FANCA: variants seen among roughly 807,000 people sequenced by gnomAD.
FANCA encodes the protein Fanconi anemia group A protein.
Under a neutral mutation model 194.3 loss-of-function variants are expected in FANCA, and 236 were observed. That is an observed-to-expected ratio of 1.21 (90% CI 1.09 to 1.35). The LOEUF (loss-of-function observed/expected upper bound fraction) is 1.35. FANCA is among the 40% of genes most tolerant of loss of function. The pLI, the probability that FANCA is intolerant of heterozygous loss-of-function variation, is 0.00. For missense variants in FANCA, 2,628 were observed against 1,813.9 expected (o/e 1.45, Z -8.15); for synonymous variants, 1,014 against 715.8 (o/e 1.42, Z -6.65).
intron 41 of FANCA, 42 bp downstream of exon 41, chr16:89,739,090 TG>T (rs747194256): frequency 1.2e-6 from 2 of 1,613,868 alleles, no homozygotes; most frequent in Non-Finnish European, 1.7e-6. Context: ...AGCCTCCGGC[TG>T]GGGGGAGCTC....
rs1280115042 is a variant in FANCA at position 89,751,987 on chromosome 16, G to T, written c.3066+151C>A. ...GGGTCTCATCGTGTTAGCCAGCATG[G>T]TCTCGATCTCCTGACTGTGTGATCC... On this transcript the variant is annotated intron_variant, in intron 31 of 42. Transcript: ENST00000389301. The T allele has an allele frequency of 3.9e-6, 3 of 766,082 alleles. No homozygotes were observed. In the African/African-American group the frequency reaches 5.1e-5, roughly 13 times the overall value. The allele number at this position is 766,082 out of a possible 1,614,324, so 47.5% of individuals were successfully genotyped here.
Position 89,770,265 on chromosome 16 carries a change from G to C in FANCA, c.2223-6C>G, listed in dbSNP as rs759682612. On this transcript the variant is annotated splice_region_variant and splice_polypyrimidine_tract_variant and intron_variant, in intron 24 of 42. Coordinates refer to ENST00000389301, the MANE Select transcript of FANCA (RefSeq NM_000135.4). ...GGGCAGCCCAGGGACCCTGCCTGCA[G>C]AGACAGCCGTGAAACCATCAGTACT... 2 of 1,568,424 alleles carry C rather than the reference G, an allele frequency of 1.3e-6. No individual in the cohort carries two copies. The highest frequency in any genetic ancestry group is 8.6e-7 in the Non-Finnish European group (1 of 1,156,366).
intron 6 of FANCA, among the ~76,000 whole-genome samples, chr16:89,806,901 G>A (rs994414451): frequency 6.6e-6 from 1 of 152,130 alleles, no homozygotes; most frequent in Admixed American, 6.5e-5. Context: ...GGGTAGAGGG[G>A]CTCCTCACTT....
intron 5 of FANCA, 64 bp downstream of exon 5, chr16:89,810,643 C>A: frequency 9.6e-7 from 1 of 1,045,674 alleles, no homozygotes; most frequent in Non-Finnish European, 1.5e-6. Flanking sequence ...TCTGTTGCCT[C>A]CATCCAGATC....
At position 89,772,792 on chromosome 16, in the gene FANCA, C is replaced by G. The variant is rs1246591527; in HGVS notation, c.2014+479G>C. Among the ~76,000 whole-genome samples the G allele has an allele frequency of 3.3e-5, 5 of 150,850 alleles. No homozygotes were observed. In the East Asian group the frequency reaches 5.9e-4, roughly 18 times the overall value. ...CGAGATGGCGCCACTGCACTCCAGC[C>G]TGGGGGACAGAGTGAGACTCTGTCT... On this transcript the variant is annotated intron_variant, in intron 22 of 42. Coordinates refer to ENST00000389301, the MANE Select transcript of FANCA (RefSeq NM_000135.4).
At chr16:89,743,814 A>G (rs1160437733) in intron 36 of FANCA, among the ~76,000 whole-genome samples, 2 of 152,128 alleles carry the variant, frequency 1.3e-5, no homozygotes, top group Admixed American at 1.3e-4. Context: ...CAAGAGTGAA[A>G]CTCTGTCTCA....
chr16:89,782,762 G>C, intron 17 of FANCA, 97 bp downstream of exon 17: 3 of 1,109,256 alleles, frequency 2.7e-6, no homozygotes, highest in Non-Finnish European at 4.1e-6. Context: ...CATGAGACTG[G>C]GAAGGCTGAA....
intron 30 of FANCA, 114 bp downstream of exon 30, chr16:89,758,463 C>G (rs1764014774): frequency 7.5e-7 from 1 of 1,326,772 alleles, no homozygotes. Flanking sequence ...CTGGGAAAGG[C>G]AGACCCACCC....
At chr16:89,771,874 G>T in intron 22 of FANCA, 60 bp from the exon 23 acceptor site, 1 of 1,599,136 alleles carries the variant, frequency 6.3e-7, no homozygotes, top group Non-Finnish European at 8.6e-7. Flanking sequence ...ATACAGCTGC[G>T]GCCTAGAGAG....
chr16:89,789,830 A>G (rs954413796), intron 14 of FANCA, among the ~76,000 whole-genome samples: 18 of 152,292 alleles, frequency 1.2e-4, no homozygotes, highest in African/African-American at 2.9e-4. Flanking sequence ...TTCAAAGCTG[A>G]TATCTCAAAT....
intron 20 of FANCA, among the ~76,000 whole-genome samples, chr16:89,777,080 C>T (rs376291372): frequency 3.6e-4 from 54 of 151,954 alleles, no homozygotes; most frequent in African/African-American, 1.2e-3. Context: ...TGTGGTGGAG[C>T]GCGCCTCTAG....
chr16:89,739,963 C>A lies in FANCA; in HGVS notation c.3934+31G>T, dbSNP rs778785348. ...GATGCCTCTGAAAAGAGCGGCCCTC[C>A]GCATTTGTGCCTCAGCAGCGTGTTT... On this transcript the variant is annotated intron_variant, in intron 39 of 42. Transcript: ENST00000389301. The A allele has an allele frequency of 4.3e-6, 7 of 1,612,324 alleles. No homozygotes were observed. The Admixed American group carries it at 8.3e-5, about 19-fold the overall frequency.
intron 30 of FANCA, among the ~76,000 whole-genome samples, chr16:89,756,739 C>A (rs1475449570): frequency 2.0e-5 from 3 of 152,182 alleles, no homozygotes; most frequent in African/African-American, 7.2e-5. Flanking sequence ...TGCAAACCTA[C>A]CCATAAAGGC....
At chr16:89,768,536 G>C (rs2039208209) in intron 26 of FANCA, among the ~76,000 whole-genome samples, 1 of 152,056 alleles carries the variant, frequency 6.6e-6, no homozygotes, top group Non-Finnish European at 1.5e-5. Flanking sequence ...CACACCTGTA[G>C]TCTCAGCTAC....
In FANCA at chr16:89,737,758, G is replaced by A. The variant is rs201316239; in HGVS notation, c.*843C>T. 6.7e-4 allele frequency: 1,072 copies of A among 1,610,858 alleles called. 2 individuals carry two copies. Among genetic ancestry groups the A allele is most frequent in the Middle Eastern group, 2.1e-3 (13 of 6,052 alleles). On this transcript the variant is annotated 3_prime_UTR_variant, in exon 43 of 43. Transcript: ENST00000389301. ...CACATTGTCATCGTCGTCCCCCCGG[G>A]AGGTTGGAGCATCAGGGGCCTGGAC... is the stretch of plus-strand genomic sequence containing the variant.
rs2062170516 is a variant in FANCA at position 89,742,852 on chromosome 16, C to G, written c.3713G>C (p.Arg1238Thr). Residue 1238 changes from arginine to threonine, a missense_variant, in exon 37 of 43, where the codon AGG becomes ACG. Physicochemically the swap from Arg to Thr is moderately conservative, Grantham distance 71 (BLOSUM62 -1). Coordinates refer to ENST00000389301, the MANE Select transcript of FANCA (RefSeq NM_000135.4). ...AALHFAIQQV[R>T]EENIRKQLKK... ...TAGCTGCTTCCTGATGTTTTCTTCC[C>G]TGACTTGTTGAATCGCAAAGTGCAG... 1 of 1,614,168 alleles carries G rather than the reference C, an allele frequency of 6.2e-7. No individual in the cohort carries two copies. The highest frequency in any genetic ancestry group is 8.5e-7 in the Non-Finnish European group (1 of 1,180,028).
chr16:89,800,456 G>A (rs1453304210), intron 8 of FANCA, among the ~76,000 whole-genome samples: 1 of 152,100 alleles, frequency 6.6e-6, no homozygotes, highest in African/African-American at 2.4e-5. Context: ...CCTCCAAAAG[G>A]GAATAAAAAT....
Position 89,767,180 on chromosome 16 carries a change from A to C in FANCA, c.2562T>G (p.Asp854Glu). The change falls in exon 27 of 43, where the codon GAT (aspartate) becomes GAG (glutamate). Residue 854 changes from aspartate (D) to glutamate (E), a missense_variant. By Grantham distance (45) the Asp-to-Glu change is conservative. Coordinates refer to ENST00000389301, the MANE Select transcript of FANCA (RefSeq NM_000135.4). ...CTGGAGATAAGCAGCTGCACAAAGTATCTCGTGACTGGGAAGAAAACTTGC... is the reference window on the plus strand; with the variant it reads ...CTGGAGATAAGCAGCTGCACAAAGTCTCTCGTGACTGGGAAGAAAACTTGC... ...SLCKFSSQSR[D>E]TLCSCLSPGL... is the part of the protein sequence containing the mutation. 6.2e-7 allele frequency: 1 copy of C among 1,614,028 alleles called. No individual in the cohort carries two copies. Among genetic ancestry groups the C allele is most frequent in the African/African-American group, 1.3e-5 (1 of 75,068 alleles).
rs779934743 is a variant in FANCA, at chr16:89,792,468, C to T, written c.1083+3G>A. On this transcript the variant is annotated splice_donor_region_variant and intron_variant, in intron 12 of 42. Coordinates refer to ENST00000389301, the MANE Select transcript of FANCA (RefSeq NM_000135.4). ...AAGCAGGTATAATACCACATCCACT[C>T]ACCCTGCGGTACAGTGAGGTGAGCA... 6.2e-7 allele frequency: 1 copy of T among 1,613,124 alleles called. No homozygotes were observed. Among genetic ancestry groups the T allele is most frequent in the Non-Finnish European group, 8.5e-7 (1 of 1,179,786 alleles).
Sources: allele counts gnomAD v4.1 joint callset (sites outside exome capture counted in the v4.1 genomes callset), GRCh38; gene constraint gnomAD v4.1.1; transcripts MANE v1.5; gene names NCBI Gene and HGNC (gene_info 2026-07-23, HGNC 2026-07-21).